Variants in ATF7IP observed in about 807,000 individuals in gnomAD.
The protein encoded by ATF7IP is activating transcription factor 7-interacting protein 1.
ATF7IP carries 23 observed loss-of-function variants against 106.4 expected under a neutral mutation model. That is an observed-to-expected ratio of 0.22 (90% CI 0.16 to 0.31). The LOEUF (loss-of-function observed/expected upper bound fraction) is 0.31. ATF7IP is among the 10% of genes least tolerant of loss of function. The pLI is 1.00. For synonymous variants in ATF7IP, 542 were observed against 539.0 expected (o/e 1.01, Z -0.08); for missense variants, 1,334 against 1,524.3 (o/e 0.88, Z 2.08).
chr12:14,491,022 C>G (rs1296992627), intron 13 of ATF7IP, among the ~76,000 whole-genome samples: 1 of 152,102 alleles, frequency 6.6e-6, no homozygotes, highest in Non-Finnish European at 1.5e-5. Flanking sequence ...GGCTTTGCTC[C>G]AAAGTCCTGG....
chr12:14,461,125 C>T lies in ATF7IP; in HGVS notation c.2789C>T (p.Pro930Leu). Reference sequence around the variant, plus strand: ...GCAGAACAGAACAGCAATACCACCCCAAGAATTGGTAAGTCACCATGTAGG... The same window carrying T: ...GCAGAACAGAACAGCAATACCACCCTAAGAATTGGTAAGTCACCATGTAGG... ...SAAEQNSNTT[P>L]RIENQTNKTI... Residue 930 changes from proline (P) to leucine (L), a missense_variant, in exon 9 of 15, where the codon CCA becomes CTA. Coordinates refer to ENST00000261168, the MANE Select transcript of ATF7IP (RefSeq NM_018179.5). 2 of 1,610,420 alleles carry T rather than the reference C, an allele frequency of 1.2e-6. No individual in the cohort carries two copies. The highest frequency in any genetic ancestry group is 2.2e-5 in the South Asian group (2 of 90,878).
At chr12:14,415,114 C>G (rs1941134426) in intron 1 of ATF7IP, among the ~76,000 whole-genome samples, 1 of 152,042 alleles carries the variant, frequency 6.6e-6, no homozygotes, top group African/African-American at 2.4e-5. Context: ...AATACAAGAC[C>G]TTCTGTAACT....
In ATF7IP at chr12:14,501,050, T is replaced by G. The variant is rs1945147762; in HGVS notation, c.*2977T>G. Reference sequence around the variant, plus strand: ...TACTAGAGGTGCTAAGTTAGAACACTAGGCTTTTATTGAGGCAGGTTTTAA... The same window carrying G: ...TACTAGAGGTGCTAAGTTAGAACACGAGGCTTTTATTGAGGCAGGTTTTAA... On this transcript the variant is annotated 3_prime_UTR_variant, in exon 15 of 15. Coordinates refer to ENST00000261168, the MANE Select transcript of ATF7IP (RefSeq NM_018179.5). 2 of 152,208 alleles carry G rather than the reference T, an allele frequency of 1.3e-5. No homozygotes were observed. 9.4% of individuals were successfully genotyped at this position (152,208 alleles called of 1,614,324 possible).
intron 2 of ATF7IP, among the ~76,000 whole-genome samples, chr12:14,431,398 CT>C (rs780382202): frequency 2.3e-3 from 327 of 142,534 alleles, no homozygotes; most frequent in Middle Eastern, 3.6e-3. Context: ...AAAAAACATT[CT>C]TTTTTTTTTT....
intron 1 of ATF7IP, among the ~76,000 whole-genome samples, chr12:14,387,613 G>A (rs1939309712): frequency 6.6e-6 from 1 of 151,984 alleles, no homozygotes; most frequent in Admixed American, 6.6e-5. Context: ...AATGCCCTAT[G>A]GTTACTCAGG....
intron 14 of ATF7IP, 86 bp from the exon 15 acceptor site, chr12:14,497,568 G>A (rs760453248): frequency 1.5e-5 from 19 of 1,295,972 alleles, no homozygotes; most frequent in African/African-American, 3.0e-5. Flanking sequence ...ATACTTCTAC[G>A]TATGTTCTCT....
At chr12:14,438,822 CT>C (rs1358107990) in intron 5 of ATF7IP, among the ~76,000 whole-genome samples, 1 of 152,074 alleles carries the variant, frequency 6.6e-6, no homozygotes, top group African/African-American at 2.4e-5. Flanking sequence ...AATATGTGAA[CT>C]TTTAGGGGAC....
intron 2 of ATF7IP, among the ~76,000 whole-genome samples, chr12:14,432,444 G>A (rs1013389829): frequency 6.6e-6 from 1 of 152,170 alleles, no homozygotes. Flanking sequence ...CTGAAACTGA[G>A]GTTGAGAGAT....
At chr12:14,457,450 T>A (rs1346910023) in intron 8 of ATF7IP, among the ~76,000 whole-genome samples, 155 bp downstream of exon 8, 16 of 152,160 alleles carry the variant, frequency 1.1e-4, no homozygotes, top group Admixed American at 1.0e-3. Flanking sequence ...TCAAACTGGG[T>A]ATGGTGGCAC....
In ATF7IP at chr12:14,424,085, C is replaced by CGGG; in HGVS notation, c.170_171insGGG (p.Ser57_Pro58insGly). 1 of 1,614,144 alleles carries CGGG rather than the reference C, an allele frequency of 6.2e-7. No individual in the cohort carries two copies. The highest frequency in any genetic ancestry group is 8.5e-7 in the Non-Finnish European group (1 of 1,180,026). ...GAAAATGGAGATTTGGACCCAACCT[C>CGGG]ACCTTTGGAAAACATGGATTACATT... On this transcript the variant is annotated inframe_insertion, in exon 2 of 15. Transcript: ENST00000261168.
intron 5 of ATF7IP, among the ~76,000 whole-genome samples, chr12:14,444,990 GTTTT>G (rs1206306341): frequency 3.9e-4 from 51 of 131,532 alleles, no homozygotes; most frequent in Admixed American, 3.2e-3. Flanking sequence ...TAACCACCTA[GTTTT>G]TTTTTTTTTT....
intron 1 of ATF7IP, among the ~76,000 whole-genome samples, chr12:14,404,409 C>G (rs1940439271): frequency 6.6e-6 from 1 of 152,122 alleles, no homozygotes; most frequent in African/African-American, 2.4e-5. Flanking sequence ...ATATTGAATA[C>G]ATGAGTAAAT....
At chr12:14,378,737 C>T (rs570925769) in intron 1 of ATF7IP, among the ~76,000 whole-genome samples, 30 of 152,280 alleles carry the variant, frequency 2.0e-4, no homozygotes, top group Non-Finnish European at 4.3e-4. Context: ...ATGACCCATT[C>T]CCTTGATACA....
chr12:14,456,053 A>C (rs1159884202), intron 6 of ATF7IP, among the ~76,000 whole-genome samples: 1 of 152,186 alleles, frequency 6.6e-6, no homozygotes, highest in Non-Finnish European at 1.5e-5. Context: ...TTATTAAATA[A>C]TTTAAGTCAC....
At chr12:14,409,914 A>G (rs777540668) in intron 1 of ATF7IP, among the ~76,000 whole-genome samples, 9 of 152,124 alleles carry the variant, frequency 5.9e-5, no homozygotes, top group Non-Finnish European at 1.3e-4. Flanking sequence ...TTTTTAAAAT[A>G]TCTAGTTTAT....
chr12:14,493,175 T>G (rs1183349579), intron 13 of ATF7IP, among the ~76,000 whole-genome samples: 1 of 152,244 alleles, frequency 6.6e-6, no homozygotes, highest in Non-Finnish European at 1.5e-5. Context: ...CCCTACTTAG[T>G]GGGCCCAAAT....
intron 1 of ATF7IP, among the ~76,000 whole-genome samples, chr12:14,380,871 T>A (rs1001729317): frequency 6.6e-6 from 1 of 152,108 alleles, no homozygotes; most frequent in South Asian, 2.1e-4. Flanking sequence ...CCACCTCCCT[T>A]GGCCTCCCAA....
At position 14,471,842 on chromosome 12, in the gene ATF7IP, G is replaced by A. The variant is rs374054482; in HGVS notation, c.2863-4048G>A. On this transcript the variant is annotated intron_variant, in intron 10 of 14. Transcript: ENST00000261168. ...AACTACAATTCAAGATGACATTTGG[G>A]TGGAGACATAGCCAAACCATATAAG... is the stretch of plus-strand genomic sequence containing the variant. 3.3e-4 allele frequency among the ~76,000 whole-genome samples: 50 copies of A among 152,236 alleles called. 1 individual carries two copies. The South Asian group carries it at 8.3e-3, about 25-fold the overall frequency.
In ATF7IP at chr12:14,502,037, C is replaced by A. The variant is rs1336020037; in HGVS notation, c.*3964C>A. The A allele has an allele frequency of 6.6e-6, 1 of 152,168 alleles. No homozygotes were observed. The highest frequency in any genetic ancestry group is 1.5e-5 in the Non-Finnish European group (1 of 68,034). The allele number at this position is 152,168 out of a possible 1,614,324, so 9.4% of individuals were successfully genotyped here. A position where few individuals can be genotyped will look rare whatever the true frequency, so the allele number is the denominator to read the frequency against. On this transcript the variant is annotated 3_prime_UTR_variant, in exon 15 of 15. Coordinates refer to ENST00000261168, the MANE Select transcript of ATF7IP (RefSeq NM_018179.5). ...TTAGCACAGTAAGGTACTGCAAAGACCTTCCTTCCAAATGTTCTCCTTGAC... is the reference window on the plus strand; with the variant it reads ...TTAGCACAGTAAGGTACTGCAAAGAACTTCCTTCCAAATGTTCTCCTTGAC...
Sources: gnomAD v4.1 joint callset for allele counts (sites outside exome capture counted in the v4.1 genomes callset) on GRCh38, gnomAD v4.1.1 for gene constraint, MANE v1.5 for transcripts, NCBI Gene and HGNC (gene_info 2026-07-23, HGNC 2026-07-21) for gene names.